The following RAPGEF1 variants were observed in gnomAD, a reference collection of about 807,000 sequenced individuals.
RAPGEF1 encodes CRK SH3-binding GNRP.
Under a neutral mutation model 143.3 loss-of-function variants are expected in RAPGEF1, and 33 were observed. That is an observed-to-expected ratio of 0.23 (90% CI 0.17 to 0.31). The LOEUF (loss-of-function observed/expected upper bound fraction) is 0.31. Among genes scored for constraint, RAPGEF1 ranks in the 10% least tolerant of loss-of-function variants. The probability of loss-of-function intolerance (pLI) is 1.00; values close to 1 mark genes in which losing one functional copy is unlikely to be tolerated. For synonymous variants in RAPGEF1, 629 were observed against 676.5 expected, an observed-to-expected ratio of 0.93 and a Z score of 1.09; for missense variants, 1,199 against 1,645.4, an observed-to-expected ratio of 0.73 and a Z score of 4.69.
At position 131,580,296 on chromosome 9, in the gene RAPGEF1, T is replaced by C. The variant is rs1049121740; in HGVS notation, c.3608A>G (p.Asn1203Ser). ...GAAGCAGCGCATGCTGTCGAGGATGTTGAACTGCTGCCACCGCTTGGAGAA... is the reference window on the plus strand; with the variant it reads ...GAAGCAGCGCATGCTGTCGAGGATGCTGAACTGCTGCCACCGCTTGGAGAA... ...VNFSKRWQQF[N>S]ILDSMRCFQQ... Residue 1203 changes from asparagine (N) to serine (S), a missense_variant, in exon 26 of 27, where the codon AAC becomes AGC. Coordinates refer to ENST00000683357, the MANE Select transcript of RAPGEF1 (RefSeq NM_001377935.1). 1.2e-6 allele frequency: 2 copies of C among 1,613,996 alleles called. No individual in the cohort carries two copies. Among genetic ancestry groups the C allele is most frequent in the Non-Finnish European group, 1.7e-6 (2 of 1,179,862 alleles).
At chr9:131,724,596 G>GA (rs913809796) in intron 1 of RAPGEF1, among the ~76,000 whole-genome samples, 12 of 149,108 alleles carry the variant, frequency 8.0e-5, no homozygotes, top group East Asian at 7.8e-4. Context: ...TTCCGGCTCA[G>GA]AAAAAAAAAA....
chr9:131,701,709 T>C (rs1302418199), intron 1 of RAPGEF1, among the ~76,000 whole-genome samples: 1 of 152,258 alleles, frequency 6.6e-6, no homozygotes, highest in Non-Finnish European at 1.5e-5. Flanking sequence ...TATTATTACA[T>C]GCGTTATTAT....
At chr9:131,732,429 C>T (rs1837136393) in intron 1 of RAPGEF1, among the ~76,000 whole-genome samples, 2 of 152,144 alleles carry the variant, frequency 1.3e-5, no homozygotes, top group South Asian at 4.2e-4. Flanking sequence ...GCTCAAAGAA[C>T]ATGCACTCAA....
intron 1 of RAPGEF1, 42 bp downstream of exon 1, chr9:131,739,728 C>T (rs1258586670): frequency 1.8e-6 from 2 of 1,090,642 alleles, no homozygotes; most frequent in African/African-American, 1.7e-5. Context: ...AGCCCCAGGG[C>T]CGGGCCCGGC....
intron 12 of RAPGEF1, among the ~76,000 whole-genome samples, chr9:131,618,256 C>T (rs1199302225): frequency 6.6e-6 from 1 of 152,246 alleles, no homozygotes; most frequent in African/African-American, 2.4e-5. Flanking sequence ...CCCAGGCCAG[C>T]CTGATGGAAG....
At chr9:131,677,507 C>T (rs1431621203) in intron 1 of RAPGEF1, among the ~76,000 whole-genome samples, 2 of 152,170 alleles carry the variant, frequency 1.3e-5, no homozygotes, top group Admixed American at 6.5e-5. Context: ...ACAGTGCTCA[C>T]GGGTCTTGAA....
In RAPGEF1 at chr9:131,580,244, C is replaced by A. The variant is rs760587131; in HGVS notation, c.3641+19G>T. On this transcript the variant is annotated intron_variant, in intron 26 of 26. Transcript: ENST00000683357. ...CGGGGCTCAGCTCTGCCTGGTCCCC[C>A]CGGGGCAGTGGCACTCACGCCTGCT... The A allele has an allele frequency of 3.7e-6, 6 of 1,613,390 alleles. No individual in the cohort carries two copies. In the South Asian group the frequency reaches 5.5e-5, roughly 15 times the overall value.
At chr9:131,671,317 C>G (rs1831346970) in intron 1 of RAPGEF1, among the ~76,000 whole-genome samples, 1 of 152,240 alleles carries the variant, frequency 6.6e-6, no homozygotes, top group African/African-American at 2.4e-5. Flanking sequence ...CTCAGCCCGC[C>G]AGGGAGGAGG....
chr9:131,666,368 C>T (rs1388049583), intron 1 of RAPGEF1, among the ~76,000 whole-genome samples: 1 of 152,036 alleles, frequency 6.6e-6, no homozygotes, highest in Non-Finnish European at 1.5e-5. Flanking sequence ...GTGTGAACCA[C>T]ATATGTAATT....
chr9:131,591,756 C>T (rs1485651111), intron 18 of RAPGEF1, among the ~76,000 whole-genome samples: 8 of 152,226 alleles, frequency 5.3e-5, no homozygotes, highest in Admixed American at 4.6e-4. Flanking sequence ...TCTGCAGGAC[C>T]GGCACACTTA....
chr9:131,703,694 G>A (rs534344876), intron 1 of RAPGEF1, among the ~76,000 whole-genome samples: 12 of 152,176 alleles, frequency 7.9e-5, no homozygotes, highest in Non-Finnish European at 1.0e-4. Flanking sequence ...ACCATAAAAA[G>A]CACTCCTATG....
chr9:131,714,493 G>C (rs926942027), intron 1 of RAPGEF1, among the ~76,000 whole-genome samples: 1 of 152,070 alleles, frequency 6.6e-6, no homozygotes, highest in Non-Finnish European at 1.5e-5. Context: ...TCTGCTGGGA[G>C]GAAAGTCTGA....
At chr9:131,585,739 G>T (rs1952617840) in intron 22 of RAPGEF1, among the ~76,000 whole-genome samples, 1 of 152,084 alleles carries the variant, frequency 6.6e-6, no homozygotes, top group Non-Finnish European at 1.5e-5. Flanking sequence ...TTCTCCTGGA[G>T]GCAACAGTGG....
chr9:131,666,248 T>A (rs1830411500), intron 1 of RAPGEF1, among the ~76,000 whole-genome samples: 1 of 152,226 alleles, frequency 6.6e-6, no homozygotes, highest in African/African-American at 2.4e-5. Flanking sequence ...TACTAGAACA[T>A]CTGTTGTTCA....
At chr9:131,606,769 G>C (rs983289213) in intron 12 of RAPGEF1, among the ~76,000 whole-genome samples, 2 of 152,112 alleles carry the variant, frequency 1.3e-5, no homozygotes, top group Non-Finnish European at 2.9e-5. Flanking sequence ...GACCACAGGT[G>C]CATGTCACCA....
intron 12 of RAPGEF1, among the ~76,000 whole-genome samples, chr9:131,607,725 C>T (rs1195455903): frequency 6.6e-6 from 1 of 152,212 alleles, no homozygotes; most frequent in Non-Finnish European, 1.5e-5. Flanking sequence ...TCCCCCTCAC[C>T]TTGCCTTGCT....
At chr9:131,607,022 C>T (rs921885740) in intron 12 of RAPGEF1, among the ~76,000 whole-genome samples, 19 of 152,292 alleles carry the variant, frequency 1.2e-4, no homozygotes, top group African/African-American at 4.3e-4. Context: ...TGTGTACAGC[C>T]GTGGCCCCTT....
At chr9:131,627,623 A>C (rs951268244) in intron 9 of RAPGEF1, among the ~76,000 whole-genome samples, 2 of 152,124 alleles carry the variant, frequency 1.3e-5, no homozygotes, top group Non-Finnish European at 2.9e-5. Flanking sequence ...AATGGCTCTT[A>C]ATTTTGGTAA....
chr9:131,733,013 G>A (rs1038172371), intron 1 of RAPGEF1, among the ~76,000 whole-genome samples: 8 of 152,160 alleles, frequency 5.3e-5, no homozygotes, highest in African/African-American at 1.9e-4. Context: ...CTATATGTTA[G>A]AGGAAGAGAA....
Sources: allele counts gnomAD v4.1 joint callset (sites outside exome capture counted in the v4.1 genomes callset), GRCh38; gene constraint gnomAD v4.1.1; transcripts MANE v1.5; gene names NCBI Gene and HGNC (gene_info 2026-07-23, HGNC 2026-07-21).